KIAA1217: variants seen among roughly 807,000 people sequenced by gnomAD.
KIAA1217 encodes KIAA1217.
A neutral mutation model predicts 163.9 loss-of-function variants in KIAA1217; 88 were observed. The observed-to-expected ratio is 0.54, with a 90% CI of 0.45 to 0.64. The LOEUF (loss-of-function observed/expected upper bound fraction) is 0.64. Ranked by LOEUF, KIAA1217 falls within the 30% of genes least tolerant of loss-of-function variation. The probability of loss-of-function intolerance (pLI) is 0.00; values close to 1 mark genes in which losing one functional copy is unlikely to be tolerated. For missense variants in KIAA1217, 2,372 were observed against 2,475.0 expected, an observed-to-expected ratio of 0.96 and a Z score of 0.88; for synonymous variants, 903 against 923.1, an observed-to-expected ratio of 0.98 and a Z score of 0.39.
intron 2 of KIAA1217, among the ~76,000 whole-genome samples, chr10:24,185,968 A>C (rs988170907): frequency 6.6e-6 from 1 of 152,258 alleles, no homozygotes; most frequent in Admixed American, 6.5e-5. Context: ...TGTATTAAAA[A>C]AAAAAAAGAT....
intron 2 of KIAA1217, among the ~76,000 whole-genome samples, chr10:24,058,871 CT>C (rs973820062): frequency 2.0e-5 from 3 of 151,686 alleles, no homozygotes; most frequent in Non-Finnish European, 2.9e-5. Flanking sequence ...ATGTAGATGC[CT>C]TTTTTTTCTT....
chr10:24,134,320 G>A (rs1175051269), intron 2 of KIAA1217, among the ~76,000 whole-genome samples: 1 of 152,168 alleles, frequency 6.6e-6, no homozygotes, highest in Non-Finnish European at 1.5e-5. Flanking sequence ...GCAGGTAGGA[G>A]AGCAATTAGT....
intron 2 of KIAA1217, among the ~76,000 whole-genome samples, chr10:24,068,239 C>T (rs1254810945): frequency 6.6e-6 from 1 of 152,238 alleles, no homozygotes; most frequent in African/African-American, 2.4e-5. Flanking sequence ...GTCGCTCACA[C>T]TGGGAGCTGT....
At chr10:24,265,626 C>A (rs1340457036) in intron 2 of KIAA1217, among the ~76,000 whole-genome samples, 1 of 152,110 alleles carries the variant, frequency 6.6e-6, no homozygotes, top group Admixed American at 6.6e-5. Context: ...TCTCTCCCAT[C>A]TTCATGTGGA....
chr10:24,151,454 C>T (rs1404274320), intron 2 of KIAA1217, among the ~76,000 whole-genome samples: 1 of 145,728 alleles, frequency 6.9e-6, no homozygotes, highest in Non-Finnish European at 1.5e-5. Flanking sequence ...CACTGAGTAT[C>T]TAGTATGCAT....
intron 1 of KIAA1217, among the ~76,000 whole-genome samples, chr10:23,961,595 T>C (rs924905956): frequency 3.3e-5 from 5 of 152,196 alleles, no homozygotes; most frequent in African/African-American, 1.2e-4. Context: ...ATCTTTAAAA[T>C]AACCCTTCAG....
intron 2 of KIAA1217, among the ~76,000 whole-genome samples, chr10:24,132,176 C>T (rs2063677219): frequency 6.6e-6 from 1 of 152,176 alleles, no homozygotes; most frequent in Non-Finnish European, 1.5e-5. Flanking sequence ...AGTGATGTAC[C>T]TCACTTCTGC....
chr10:24,498,084 C>T (rs906832421), intron 8 of KIAA1217, among the ~76,000 whole-genome samples: 1 of 151,810 alleles, frequency 6.6e-6, no homozygotes, highest in East Asian at 1.9e-4. Flanking sequence ...TCAGTAGTGG[C>T]GTGAAGGCGT....
intron 16 of KIAA1217, among the ~76,000 whole-genome samples, chr10:24,534,677 C>T (rs1283597530): frequency 2.0e-5 from 3 of 151,484 alleles, no homozygotes; most frequent in Non-Finnish European, 4.4e-5. Context: ...GTCAGGAGTT[C>T]GAGACCAACC....
At chr10:24,259,660 G>C (rs774153999) in intron 2 of KIAA1217, among the ~76,000 whole-genome samples, 2 of 152,134 alleles carry the variant, frequency 1.3e-5, no homozygotes, top group Admixed American at 6.5e-5. Context: ...TCCTGCTCAG[G>C]GGTCCCTTCT....
chr10:23,925,626 T>C (rs1842990805), intron 1 of KIAA1217, among the ~76,000 whole-genome samples: 1 of 152,228 alleles, frequency 6.6e-6, no homozygotes, highest in South Asian at 2.1e-4. Context: ...GGCATCAGTT[T>C]TCCCTGAGCC....
intron 2 of KIAA1217, among the ~76,000 whole-genome samples, chr10:24,359,463 T>C (rs897329392): frequency 6.6e-6 from 1 of 152,222 alleles, no homozygotes; most frequent in African/African-American, 2.4e-5. Context: ...ATGTCAGATA[T>C]TGGCTTTAGC....
At chr10:24,495,312 G>T in intron 8 of KIAA1217, 116 bp downstream of exon 8, 1 of 754,218 alleles carries the variant, frequency 1.3e-6, no homozygotes, top group Non-Finnish European at 2.2e-6. Flanking sequence ...GATGTCAGGG[G>T]ATTCCTAGAT....
chr10:24,269,210 TAAA>T (rs59746609), intron 2 of KIAA1217, among the ~76,000 whole-genome samples: 31 of 87,062 alleles, frequency 3.6e-4, no homozygotes, highest in African/African-American at 1.1e-3. Flanking sequence ...AAAGTATAAT[TAAA>T]AAAAAAAAAA....
intron 1 of KIAA1217, among the ~76,000 whole-genome samples, chr10:23,951,393 C>A (rs980969113): frequency 5.3e-5 from 8 of 152,274 alleles, no homozygotes; most frequent in African/African-American, 1.9e-4. Context: ...GGGGCTCACG[C>A]CTGTAATCCC....
chr10:24,538,732 G>GTTTTTTTTTTTTTTTTT (rs756717624), intron 17 of KIAA1217, among the ~76,000 whole-genome samples: 1 of 87,770 alleles, frequency 1.1e-5, no homozygotes. Context: ...ATTGTTTTTG[G>GTTTTTTTTTTTTTTTTT]TTTTTTTTTT....
intron 1 of KIAA1217, among the ~76,000 whole-genome samples, chr10:23,946,738 T>A (rs1228907884): frequency 6.6e-6 from 1 of 152,198 alleles, no homozygotes; most frequent in African/African-American, 2.4e-5. Context: ...TTCTGATAGG[T>A]AAAACATTTT....
At chr10:24,251,952 A>G (rs2074597814) in intron 2 of KIAA1217, among the ~76,000 whole-genome samples, 1 of 151,910 alleles carries the variant, frequency 6.6e-6, no homozygotes, top group Admixed American at 6.6e-5. Context: ...AGAAGTACTT[A>G]ACCCAGCACC....
chr10:23,818,379 C>T (rs1035325025), intron 1 of KIAA1217, among the ~76,000 whole-genome samples: 30 of 140,976 alleles, frequency 2.1e-4, no homozygotes, highest in Admixed American at 2.1e-3. Flanking sequence ...TATAGCCATG[C>T]TCCCATTCTG....
Sources: allele counts gnomAD v4.1 joint callset (sites outside exome capture counted in the v4.1 genomes callset), GRCh38; gene constraint gnomAD v4.1.1; transcripts MANE v1.5; gene names NCBI Gene and HGNC (gene_info 2026-07-23, HGNC 2026-07-21).